The following FMNL3 variants were observed in gnomAD, a reference collection of about 807,000 sequenced individuals.
FMNL3 encodes the protein formin-like protein 3.
A neutral mutation model predicts 119.6 loss-of-function variants in FMNL3; 57 were observed. The observed-to-expected ratio is 0.48, with a 90% confidence interval of 0.39 to 0.59. The LOEUF is 0.59. Ranked by LOEUF, FMNL3 falls within the 20% of genes least tolerant of loss-of-function variation. FMNL3 has a pLI of 0.00. For missense variants in FMNL3, 1,053 were observed against 1,323.5 expected, an observed-to-expected ratio of 0.80 and a Z score of 3.17; for synonymous variants, 491 against 507.3, an observed-to-expected ratio of 0.97 and a Z score of 0.43.
intron 14 of FMNL3, 34 bp from the exon 15 acceptor site, chr12:49,651,484 C>A: frequency 1.4e-6 from 2 of 1,432,198 alleles, no homozygotes; most frequent in South Asian, 1.7e-5. Context: ...GTGACCCAGG[C>A]GTCAAGAGAC....
In FMNL3 at chr12:49,643,981, G is replaced by C; in HGVS notation, c.*1834C>G. The C allele has an allele frequency of 6.2e-7, 1 of 1,614,196 alleles. No homozygotes were observed. The highest frequency in any genetic ancestry group is 8.5e-7 in the Non-Finnish European group (1 of 1,180,030). ...GGCAGAGCTCCCTAACCGTTCCCCA[G>C]GCTTTGGAATCAAGAAGGAGAAGGT... On this transcript the variant is annotated 3_prime_UTR_variant, in exon 26 of 26. Coordinates refer to ENST00000335154, the MANE Select transcript of FMNL3 (RefSeq NM_175736.5).
At chr12:49,660,921 C>A (rs918884347) in intron 5 of FMNL3, among the ~76,000 whole-genome samples, 2 of 152,200 alleles carry the variant, frequency 1.3e-5, no homozygotes, top group Non-Finnish European at 2.9e-5. Flanking sequence ...TGTGGTGAGC[C>A]AAGATCGTGC....
chr12:49,686,027 A>C (rs1241114835), intron 1 of FMNL3, among the ~76,000 whole-genome samples: 1 of 152,148 alleles, frequency 6.6e-6, no homozygotes, highest in African/African-American at 2.4e-5. Context: ...AGATTGTGCC[A>C]CTGTACTCCA....
Position 49,662,037 on chromosome 12 carries a change from T to G in FMNL3, c.381A>C (p.Glu127Asp). ...LRTNHIGWVR[E>D]FLNDENKGLD... ...GGCCTTTGTTTTCATCATTCAGAAA[T>G]TCCCGCACCCACCTGCAGATAAAGG... The change falls in exon 5 of 26, where the codon GAA (glutamate) becomes GAC (aspartate). Residue 127 changes from glutamate to aspartate, a missense_variant. Physicochemically the swap from Glu to Asp is conservative, Grantham distance 45. Coordinates refer to ENST00000335154, the MANE Select transcript of FMNL3 (RefSeq NM_175736.5). 6.2e-7 allele frequency: 1 copy of G among 1,614,046 alleles called. No individual in the cohort carries two copies. Among genetic ancestry groups the G allele is most frequent in the Non-Finnish European group, 8.5e-7 (1 of 1,179,998 alleles).
At chr12:49,655,346 C>T (rs780711455) in intron 9 of FMNL3, among the ~76,000 whole-genome samples, 1 of 152,156 alleles carries the variant, frequency 6.6e-6, no homozygotes, top group African/African-American at 2.4e-5. Context: ...GCAGAAGAAT[C>T]GCTTGAACCT....
At chr12:49,672,125 G>A (rs1340953901) in intron 1 of FMNL3, among the ~76,000 whole-genome samples, 2 of 152,166 alleles carry the variant, frequency 1.3e-5, no homozygotes, top group Non-Finnish European at 2.9e-5. Flanking sequence ...GATGTCCGAG[G>A]GACCTGCCCT....
rs564186553 is a variant in FMNL3 at position 49,641,102 on chromosome 12, A to C, written c.*4713T>G. On this transcript the variant is annotated 3_prime_UTR_variant, in exon 26 of 26. Coordinates refer to ENST00000335154, the MANE Select transcript of FMNL3 (RefSeq NM_175736.5). The stretch of plus-strand genomic sequence containing the variant: ...CCAGACTTTGAACTCCAGTGGCTTC[A>C]TTTACCACTCATGTCATCTTGGGCC... 12 of 152,362 alleles carry C rather than the reference A, an allele frequency of 7.9e-5. No homozygotes were observed. The highest frequency in any genetic ancestry group is 2.6e-4 in the African/African-American group (11 of 41,568). 9.4% of individuals were successfully genotyped at this position (152,362 alleles called of 1,614,324 possible).
chr12:49,694,756 C>T (rs1364776121), intron 1 of FMNL3, among the ~76,000 whole-genome samples: 2 of 151,934 alleles, frequency 1.3e-5, no homozygotes, highest in East Asian at 3.9e-4. Context: ...CTAAAAACTA[C>T]CAAAAATTAG....
Position 49,653,853 on chromosome 12 carries a change from C to T in FMNL3, c.1093G>A (p.Glu365Lys), listed in dbSNP as rs749412714. ...FLQKSRHTES[E>K]KLQVQIQAYL... Reference sequence around the variant, plus strand: ...GCCTGAATCTGCACCTGCAGCTTCTCGCTCTCTGTGTGCCTTGACTTCTGG... The same window carrying T: ...GCCTGAATCTGCACCTGCAGCTTCTTGCTCTCTGTGTGCCTTGACTTCTGG... The change falls in exon 12 of 26, where the codon GAG (glutamate) becomes AAG (lysine). Residue 365 changes from glutamate (E) to lysine (K), a missense_variant. Coordinates refer to ENST00000335154, the MANE Select transcript of FMNL3 (RefSeq NM_175736.5). 32 of 1,614,082 alleles carry T rather than the reference C, an allele frequency of 2.0e-5. No homozygotes were observed. The highest frequency in any genetic ancestry group is 2.4e-5 in the Non-Finnish European group (28 of 1,180,052).
intron 5 of FMNL3, among the ~76,000 whole-genome samples, chr12:49,660,719 G>A (rs1297735329): frequency 6.6e-6 from 1 of 152,270 alleles, no homozygotes; most frequent in Admixed American, 6.5e-5. Context: ...CACTTTGGAA[G>A]GCCAAAGCAG....
chr12:49,674,406 G>A (rs953403927), intron 1 of FMNL3, among the ~76,000 whole-genome samples: 1 of 152,140 alleles, frequency 6.6e-6, no homozygotes, highest in African/African-American at 2.4e-5. Context: ...GAATATAAAG[G>A]ATGAAAGGCA....
At chr12:49,671,359 G>A (rs1944041990) in intron 1 of FMNL3, among the ~76,000 whole-genome samples, 1 of 152,228 alleles carries the variant, frequency 6.6e-6, no homozygotes, top group Non-Finnish European at 1.5e-5. Flanking sequence ...TCTGACCATA[G>A]CCATATCCTC....
At position 49,636,695 on chromosome 12, in the gene FMNL3, G is replaced by C. The variant is rs762282816; in HGVS notation, c.*9120C>G. 1.2e-5 allele frequency: 19 copies of C among 1,613,332 alleles called. No homozygotes were observed. The African/African-American group carries it at 2.1e-4, about 18-fold the overall frequency. The stretch of plus-strand genomic sequence containing the variant: ...GTATCCTGCTGGGACAATGCCCGCG[G>C]AACCTCCTGCCTGTCTTTAGACATG... On this transcript the variant is annotated 3_prime_UTR_variant, in exon 26 of 26. Coordinates refer to ENST00000335154, the MANE Select transcript of FMNL3 (RefSeq NM_175736.5).
At position 49,641,616 on chromosome 12, in the gene FMNL3, T is replaced by A. The variant is rs1319582864; in HGVS notation, c.*4199A>T. The stretch of plus-strand genomic sequence containing the variant: ...AGGAGGGCCCAGCTGGGGCCAGAGC[T>A]TTAAGCCAAAGGAACAAAAGTTAAT... On this transcript the variant is annotated 3_prime_UTR_variant, in exon 26 of 26. Transcript: ENST00000335154. 2.5e-6 allele frequency: 1 copy of A among 394,756 alleles called. No homozygotes were observed. Among genetic ancestry groups the A allele is most frequent in the African/African-American group, 2.0e-5 (1 of 49,510 alleles). 24.5% of individuals were successfully genotyped at this position (394,756 alleles called of 1,614,324 possible). A position where few individuals can be genotyped will look rare whatever the true frequency, so the allele number is the denominator to read the frequency against.
intron 1 of FMNL3, among the ~76,000 whole-genome samples, chr12:49,679,596 G>A (rs959512268): frequency 7.0e-6 from 1 of 142,198 alleles, no homozygotes; most frequent in African/African-American, 2.6e-5. Context: ...GCAAGATCTC[G>A]GCTCACTGCA....
intron 1 of FMNL3, among the ~76,000 whole-genome samples, chr12:49,686,333 G>T (rs1436234710): frequency 6.6e-6 from 1 of 151,100 alleles, no homozygotes; most frequent in African/African-American, 2.4e-5. Flanking sequence ...TGTAATCCCA[G>T]CACTTTGGGA....
intron 13 of FMNL3, 30 bp downstream of exon 13, chr12:49,653,196 C>G (rs2138753441): frequency 6.2e-7 from 1 of 1,603,032 alleles, no homozygotes; most frequent in East Asian, 2.2e-5. Context: ...CAGGATCAGT[C>G]AGGGACTGCC....
In FMNL3 at chr12:49,707,404, G is replaced by A; in HGVS notation, c.-224C>T. Reference sequence around the variant, plus strand: ...CCGCACCGAAGCAAGGCGGACGGAGGCGGCCGGCTCTTGCTCACACCCGCC... The same window carrying A: ...CCGCACCGAAGCAAGGCGGACGGAGACGGCCGGCTCTTGCTCACACCCGCC... On this transcript the variant is annotated 5_prime_UTR_variant, in exon 1 of 26. Coordinates refer to ENST00000335154, the MANE Select transcript of FMNL3 (RefSeq NM_175736.5). 2.8e-6 allele frequency: 1 copy of A among 354,738 alleles called. No homozygotes were observed. The highest frequency in any genetic ancestry group is 5.0e-6 in the Non-Finnish European group (1 of 199,000). The allele number at this position is 354,738 out of a possible 1,614,324, so 22.0% of individuals were successfully genotyped here.
chr12:49,684,590 G>C (rs1218196009), intron 1 of FMNL3, among the ~76,000 whole-genome samples: 1 of 152,202 alleles, frequency 6.6e-6, no homozygotes, highest in Admixed American at 6.5e-5. Flanking sequence ...AGAAATGACA[G>C]ATAAATGCTT....
Sources: gnomAD v4.1 joint callset for allele counts (sites outside exome capture counted in the v4.1 genomes callset) on GRCh38, gnomAD v4.1.1 for gene constraint, MANE v1.5 for transcripts, NCBI Gene and HGNC (gene_info 2026-07-23, HGNC 2026-07-21) for gene names.